CCDC7: variants seen among roughly 807,000 people sequenced by gnomAD.
CCDC7 encodes the protein coiled-coil domain-containing protein 7.
Under a neutral mutation model 196.9 loss-of-function variants are expected in CCDC7, and 183 were observed. The observed-to-expected ratio is 0.93, with a 90% CI of 0.82 to 1.05. CCDC7 has a LOEUF of 1.05. Among genes scored for constraint, CCDC7 ranks in the 50% least tolerant of loss-of-function variants. CCDC7 has a pLI of 0.00. For synonymous variants in CCDC7, 525 were observed against 484.6 expected (o/e 1.08, Z -1.10); for missense variants, 1,540 against 1,482.2 (o/e 1.04, Z -0.64).
intron 24 of CCDC7, among the ~76,000 whole-genome samples, chr10:32,707,406 GGCACAAGACAGGGAT>G (rs1256663466): frequency 1.3e-5 from 2 of 152,066 alleles, no homozygotes; most frequent in Admixed American, 1.3e-4. Context: ...TTTGAAAACT[GGCACAAGACAGGGAT>G]GCCCTCTCTC....
chr10:32,860,460 C>T (rs1158961855), intron 41 of CCDC7, among the ~76,000 whole-genome samples: 2 of 152,190 alleles, frequency 1.3e-5, no homozygotes, highest in African/African-American at 4.8e-5. Flanking sequence ...CAGTATCACA[C>T]TGAATGGGCA....
At chr10:32,809,847 A>G (rs1344816896) in intron 30 of CCDC7, among the ~76,000 whole-genome samples, 2 of 152,206 alleles carry the variant, frequency 1.3e-5, no homozygotes, top group African/African-American at 4.8e-5. Flanking sequence ...AGAACTAGAA[A>G]TACCATTTGA....
chr10:32,840,741 G>T lies in CCDC7; in HGVS notation c.3353-4502G>T, dbSNP rs147772548. Among the ~76,000 whole-genome samples the T allele has an allele frequency of 5.9e-3, 890 of 151,884 alleles. 6 individuals carry two copies. The highest frequency in any genetic ancestry group is 0.011 in the Non-Finnish European group (715 of 67,920). ...ACCAATATCCCTGATGAACATAGATGAAAAAATCCTCAACAAAATACTACC... is the reference window on the plus strand; with the variant it reads ...ACCAATATCCCTGATGAACATAGATTAAAAAATCCTCAACAAAATACTACC... On this transcript the variant is annotated intron_variant, in intron 33 of 41. Transcript: ENST00000639629.
exon 19 of CCDC7, chr10:32,634,310 A>G (rs892328595): frequency 9.0e-6 from 11 of 1,219,076 alleles, no homozygotes; most frequent in Admixed American, 8.5e-5. Context: ...TTCAGTAACA[A>G]AAGTCCAAAT....
chr10:32,707,511 G>T (rs967852825), intron 24 of CCDC7, among the ~76,000 whole-genome samples: 1 of 152,120 alleles, frequency 6.6e-6, no homozygotes, highest in Non-Finnish European at 1.5e-5. Context: ...TATTCAATTA[G>T]GAAAAGAGGA....
At chr10:32,613,693 G>T (rs2062444894) in intron 18 of CCDC7, among the ~76,000 whole-genome samples, 1 of 152,148 alleles carries the variant, frequency 6.6e-6, no homozygotes, top group Non-Finnish European at 1.5e-5. Context: ...ACAAGAGCAG[G>T]TTGTTCAGTT....
intron 8 of CCDC7, 117 bp downstream of exon 9, chr10:32,474,140 T>C: frequency 2.2e-6 from 2 of 917,838 alleles, no homozygotes; most frequent in Non-Finnish European, 3.0e-6. Flanking sequence ...TTTGGAGCCA[T>C]ATAGTTGAGC....
chr10:32,572,866 CTTTTTTTTTT>C (rs576270039), intron 16 of CCDC7, among the ~76,000 whole-genome samples: 4 of 90,352 alleles, frequency 4.4e-5, no homozygotes, highest in Admixed American at 1.3e-4. Flanking sequence ...AAGCATGGTG[CTTTTTTTTTT>C]TTTTTTTTTT....
chr10:32,836,657 GT>G (rs2092626536), intron 33 of CCDC7, among the ~76,000 whole-genome samples: 1 of 152,040 alleles, frequency 6.6e-6, no homozygotes, highest in Non-Finnish European at 1.5e-5. Context: ...TTTTTCATGT[GT>G]CTTTTGGCTG....
intron 28 of CCDC7, among the ~76,000 whole-genome samples, chr10:32,754,978 C>T (rs1216547279): frequency 6.6e-6 from 1 of 152,178 alleles, no homozygotes; most frequent in African/African-American, 2.4e-5. Context: ...ATATCCCGCG[C>T]TGGCTTGGAG....
At chr10:32,568,168 G>A (rs1339764385) in intron 15 of CCDC7, among the ~76,000 whole-genome samples, 1 of 151,802 alleles carries the variant, frequency 6.6e-6, no homozygotes, top group Non-Finnish European at 1.5e-5. Flanking sequence ...CACCATGCCC[G>A]GCTAATTTTT....
intron 28 of CCDC7, among the ~76,000 whole-genome samples, chr10:32,753,069 T>G (rs1450450711): frequency 6.6e-6 from 1 of 152,178 alleles, no homozygotes; most frequent in African/African-American, 2.4e-5. Flanking sequence ...TCAATATGTT[T>G]TACGTTTTTA....
chr10:32,677,800 C>G (rs2075260198), intron 21 of CCDC7, among the ~76,000 whole-genome samples: 1 of 151,986 alleles, frequency 6.6e-6, no homozygotes, highest in East Asian at 1.9e-4. Flanking sequence ...AAGCCTTCTG[C>G]CATTTTCCCT....
chr10:32,511,272 G>GA, intron 9 of CCDC7: 4 of 770,830 alleles, frequency 5.2e-6, no homozygotes, highest in Admixed American at 2.9e-5. Flanking sequence ...GGGGGGGGCG[G>GA]GGAAATGTAC....
chr10:32,505,039 C>A (rs1467988029), intron 9 of CCDC7, among the ~76,000 whole-genome samples: 3 of 152,082 alleles, frequency 2.0e-5, no homozygotes, highest in African/African-American at 7.2e-5. Context: ...TGCTGTCTGT[C>A]TCTCGATTCA....
At chr10:32,521,339 C>T (rs2047854294) in intron 11 of CCDC7, among the ~76,000 whole-genome samples, 1 of 152,034 alleles carries the variant, frequency 6.6e-6, no homozygotes, top group Non-Finnish European at 1.5e-5. Flanking sequence ...TTGACTCCTC[C>T]ATCTATGAAC....
At chr10:32,454,833 T>C (rs1203871785) in intron 2 of CCDC7, among the ~76,000 whole-genome samples, 1 of 152,190 alleles carries the variant, frequency 6.6e-6, no homozygotes, top group East Asian at 1.9e-4. Context: ...CTCCTGTCTT[T>C]CCCACTCAGT....
intron 24 of CCDC7, 117 bp from the exon 26 acceptor site, chr10:32,711,503 C>A: frequency 1.6e-6 from 1 of 621,704 alleles, no homozygotes; most frequent in Non-Finnish European, 2.8e-6. Flanking sequence ...AGGTAGTTTA[C>A]TTATAACTTT....
intron 31 of CCDC7, among the ~76,000 whole-genome samples, chr10:32,820,591 G>C (rs1364175209): frequency 6.6e-6 from 1 of 152,030 alleles, no homozygotes; most frequent in Non-Finnish European, 1.5e-5. Flanking sequence ...GTAACCAAAA[G>C]AGCATGGTAC....
Sources: allele counts gnomAD v4.1 joint callset (sites outside exome capture counted in the v4.1 genomes callset), GRCh38; gene constraint gnomAD v4.1.1; transcripts MANE v1.5; gene names NCBI Gene and HGNC (gene_info 2026-07-23, HGNC 2026-07-21).